Variants in TENM4 observed in about 807,000 individuals in gnomAD.
The protein encoded by TENM4 is teneurin transmembrane protein 4, also known as teneurin-4.
Under a neutral mutation model 243.3 loss-of-function variants are expected in TENM4, and 82 were observed. The observed-to-expected ratio is 0.34, with a 90% CI of 0.28 to 0.40. The LOEUF (loss-of-function observed/expected upper bound fraction) is 0.40, where lower values mean the gene tolerates loss of function less well. Ranked by LOEUF, TENM4 falls within the 10% of genes least tolerant of loss-of-function variation. The pLI, the probability that TENM4 is intolerant of heterozygous loss-of-function variation, is 1.00. For synonymous variants in TENM4, 1,412 were observed against 1,456.3 expected, an observed-to-expected ratio of 0.97 and a Z score of 0.69; for missense variants, 3,138 against 3,673.3, an observed-to-expected ratio of 0.85 and a Z score of 3.77.
At chr11:78,728,936 G>A (rs1466588701) in intron 22 of TENM4, among the ~76,000 whole-genome samples, 1 of 152,038 alleles carries the variant, frequency 6.6e-6, no homozygotes, top group African/African-American at 2.4e-5. Flanking sequence ...TCTCTGACTG[G>A]GTAAAGAGGC....
intron 4 of TENM4, among the ~76,000 whole-genome samples, chr11:79,071,163 A>G (rs1050809627): frequency 6.6e-6 from 1 of 152,186 alleles, no homozygotes; most frequent in Non-Finnish European, 1.5e-5. Context: ...GGTAGCAAAC[A>G]CAACCATACA....
intron 4 of TENM4, among the ~76,000 whole-genome samples, chr11:79,127,152 G>C (rs532023475): frequency 6.6e-6 from 1 of 152,338 alleles, no homozygotes; most frequent in African/African-American, 2.4e-5. Flanking sequence ...TTGGCTCCCT[G>C]ACTGGTAGTG....
At chr11:79,435,670 C>T (rs1004292202) in intron 1 of TENM4, among the ~76,000 whole-genome samples, 9 of 152,180 alleles carry the variant, frequency 5.9e-5, no homozygotes, top group Admixed American at 2.6e-4. Flanking sequence ...GTTTGTTAGA[C>T]CAGGACAGGG....
chr11:78,903,791 A>G lies in TENM4; in HGVS notation c.494-268T>C, dbSNP rs555828672. 4.3e-6 allele frequency: 3 copies of G among 699,732 alleles called. No individual in the cohort carries two copies. The East Asian group carries it at 8.2e-5, about 19-fold the overall frequency. 43.3% of individuals were successfully genotyped at this position (699,732 alleles called of 1,614,324 possible). On this transcript the variant is annotated intron_variant, in intron 6 of 33. Transcript: ENST00000278550. ...GGGGAGTGAAACAATAAACAACATA[A>G]AAAAGACTAGTTACCCATCTCAGCA...
intron 1 of TENM4, among the ~76,000 whole-genome samples, chr11:79,388,533 T>C (rs1858162654): frequency 6.6e-6 from 1 of 152,128 alleles, no homozygotes; most frequent in Non-Finnish European, 1.5e-5. Flanking sequence ...ATACCTTCAT[T>C]CCCACCCCCA....
At chr11:79,302,276 A>C (rs1856561651) in intron 1 of TENM4, among the ~76,000 whole-genome samples, 1 of 152,352 alleles carries the variant, frequency 6.6e-6, no homozygotes, top group African/African-American at 2.4e-5. Flanking sequence ...GGTCTAATTT[A>C]AGCCTATTCA....
At chr11:79,344,964 C>T (rs114827536) in intron 1 of TENM4, among the ~76,000 whole-genome samples, 54 of 152,302 alleles carry the variant, frequency 3.5e-4, no homozygotes, top group African/African-American at 1.2e-3. Context: ...TCCATAACTT[C>T]CTAAGGGTAA....
At chr11:79,301,253 C>G (rs1021476091) in intron 1 of TENM4, among the ~76,000 whole-genome samples, 17 of 152,196 alleles carry the variant, frequency 1.1e-4, no homozygotes, top group African/African-American at 4.1e-4. Flanking sequence ...CTTTTCCTCA[C>G]AAGGCTGCTT....
At chr11:78,729,306 G>A (rs1047339292) in intron 22 of TENM4, 70 bp downstream of exon 22, 2 of 1,453,970 alleles carry the variant, frequency 1.4e-6, no homozygotes, top group East Asian at 2.5e-5. Flanking sequence ...GAAGGAAGAA[G>A]GAACTAGGGA....
In TENM4 at chr11:79,070,008, G is replaced by A; in HGVS notation, c.-64C>T. On this transcript the variant is annotated splice_region_variant and 5_prime_UTR_variant, in exon 5 of 34. Transcript: ENST00000278550. The stretch of plus-strand genomic sequence containing the variant: ...TCCTCGCCGCACTCAGGGCCGAGTG[G>A]TCTAGAGCCAGGGAAACCAAAGATA... 6.6e-7 allele frequency: 1 copy of A among 1,508,086 alleles called. No individual in the cohort carries two copies. Among genetic ancestry groups the A allele is most frequent in the Non-Finnish European group, 8.8e-7 (1 of 1,130,760 alleles). 93.4% of individuals were successfully genotyped at this position (1,508,086 alleles called of 1,614,324 possible).
At chr11:79,092,305 T>C (rs573545885) in intron 4 of TENM4, among the ~76,000 whole-genome samples, 1 of 152,338 alleles carries the variant, frequency 6.6e-6, no homozygotes, top group East Asian at 1.9e-4. Context: ...GTGAGATGTT[T>C]ACTGAGCTGA....
chr11:79,090,883 G>A (rs146259981), intron 4 of TENM4, among the ~76,000 whole-genome samples: 3 of 152,264 alleles, frequency 2.0e-5, no homozygotes, highest in Non-Finnish European at 4.4e-5. Context: ...ACTGTTTAGT[G>A]GGAGAAACTG....
intron 6 of TENM4, among the ~76,000 whole-genome samples, chr11:78,935,210 A>G (rs1217961440): frequency 6.6e-6 from 1 of 150,760 alleles, no homozygotes; most frequent in Non-Finnish European, 1.5e-5. Context: ...ACGGGGTTTC[A>G]CCTTGTTAGC....
At chr11:79,301,865 T>G (rs960288572) in intron 1 of TENM4, among the ~76,000 whole-genome samples, 1 of 152,210 alleles carries the variant, frequency 6.6e-6, no homozygotes, top group African/African-American at 2.4e-5. Context: ...GCCATTATGG[T>G]AAGTTTCCTG....
chr11:78,731,902 T>G (rs146603019), intron 21 of TENM4, among the ~76,000 whole-genome samples: 1 of 152,326 alleles, frequency 6.6e-6, no homozygotes, highest in African/African-American at 2.4e-5. Context: ...ATTTAATCTT[T>G]ATTATAATGC....
intron 4 of TENM4, among the ~76,000 whole-genome samples, chr11:79,146,997 A>G (rs573452749): frequency 3.3e-5 from 5 of 152,250 alleles, no homozygotes; most frequent in African/African-American, 1.2e-4. Flanking sequence ...GTGTGCATGC[A>G]CACACATGCA....
At chr11:79,113,646 G>A (rs904536287) in intron 4 of TENM4, among the ~76,000 whole-genome samples, 1 of 151,946 alleles carries the variant, frequency 6.6e-6, no homozygotes, top group African/African-American at 2.4e-5. Flanking sequence ...CCCTTTGCCA[G>A]CCTAGGCACT....
intron 4 of TENM4, among the ~76,000 whole-genome samples, chr11:79,090,158 G>C (rs1242613638): frequency 1.3e-5 from 2 of 152,234 alleles, no homozygotes; most frequent in African/African-American, 4.8e-5. Flanking sequence ...CTCTACTACA[G>C]TGTTCTGATG....
intron 3 of TENM4, among the ~76,000 whole-genome samples, chr11:79,167,303 C>A (rs887866542): frequency 9.9e-5 from 15 of 152,146 alleles, no homozygotes; most frequent in Non-Finnish European, 2.2e-4. Flanking sequence ...GGAGTTCAAC[C>A]TTTATCTTAT....
Sources: allele counts gnomAD v4.1 joint callset (sites outside exome capture counted in the v4.1 genomes callset), GRCh38; gene constraint gnomAD v4.1.1; transcripts MANE v1.5; gene names NCBI Gene and HGNC (gene_info 2026-07-23, HGNC 2026-07-21).